Variants in FRMPD1 observed in about 807,000 individuals in gnomAD.
FRMPD1 encodes the protein FERM and PDZ domain-containing protein 1.
A neutral mutation model predicts 117.8 loss-of-function variants in FRMPD1; 76 were observed. That is an observed-to-expected ratio of 0.65 (90% CI 0.54 to 0.78). The LOEUF is 0.78. FRMPD1 is among the 30% of genes least tolerant of loss of function. FRMPD1 has a pLI of 0.00. For synonymous variants in FRMPD1, 783 were observed against 770.4 expected (o/e 1.02, Z -0.27); for missense variants, 1,786 against 1,964.5 (o/e 0.91, Z 1.72).
chr9:37,693,187 A>AGGTCAGG, intron 2 of FRMPD1: 1 of 158,088 alleles, frequency 6.3e-6, no homozygotes, highest in Non-Finnish European at 1.4e-5. Context: ...TCTGCCGTTT[A>AGGTCAGG]TATTCTTTCT....
intron 13 of FRMPD1, 63 bp downstream of exon 13, chr9:37,735,797 G>A: frequency 8.9e-7 from 1 of 1,125,958 alleles, no homozygotes; most frequent in South Asian, 1.4e-5. Flanking sequence ...TAGGGGCCAG[G>A]CTAGTTTATA....
intron 5 of FRMPD1, among the ~76,000 whole-genome samples, chr9:37,715,326 C>T (rs1314447660): frequency 2.0e-5 from 3 of 152,174 alleles, no homozygotes; most frequent in African/African-American, 7.2e-5. Flanking sequence ...GTCTCACATG[C>T]AGAAATCAGT....
At chr9:37,707,706 T>C (rs976908190) in intron 3 of FRMPD1, 133 bp downstream of exon 3, 51 of 754,472 alleles carry the variant, frequency 6.8e-5, no homozygotes, top group Non-Finnish European at 9.6e-5. Flanking sequence ...GCACACCTAA[T>C]TCTGTCTTGG....
At chr9:37,731,246 G>A (rs992999063) in intron 9 of FRMPD1, 143 bp downstream of exon 9, 11 of 721,726 alleles carry the variant, frequency 1.5e-5, no homozygotes, top group Non-Finnish European at 2.1e-5. Flanking sequence ...CCTGATCATC[G>A]CTCAGAATTC....
intron 1 of FRMPD1, among the ~76,000 whole-genome samples, chr9:37,660,722 T>G (rs543417246): frequency 9.2e-5 from 14 of 152,324 alleles, no homozygotes; most frequent in South Asian, 2.1e-4. Context: ...TCCTGCACTT[T>G]CATTTCTGCA....
chr9:37,656,289 A>G (rs373508596), intron 1 of FRMPD1, among the ~76,000 whole-genome samples: 1 of 152,224 alleles, frequency 6.6e-6, no homozygotes, highest in African/African-American at 2.4e-5. Flanking sequence ...CACTCGTGGC[A>G]TTCTGATCCC....
chr9:37,685,072 A>T (rs1821873589), intron 1 of FRMPD1, among the ~76,000 whole-genome samples: 1 of 152,158 alleles, frequency 6.6e-6, no homozygotes, highest in South Asian at 2.1e-4. Context: ...TTTCAAGAAC[A>T]GTGTCTCAAG....
chr9:37,630,267 A>G, the FRMPD1 span, among the ~76,000 whole-genome samples: 1 of 152,202 alleles, frequency 6.6e-6, no homozygotes, highest in Non-Finnish European at 1.5e-5. Context: ...ATGTCTTACA[A>G]TTGATAGTGC....
intron 2 of FRMPD1, among the ~76,000 whole-genome samples, chr9:37,694,051 T>C (rs1822239940): frequency 6.6e-6 from 1 of 152,224 alleles, no homozygotes; most frequent in Non-Finnish European, 1.5e-5. Flanking sequence ...CAGGAAAGTA[T>C]TGGCTTCATC....
At chr9:37,678,420 C>G (rs1258831331) in intron 1 of FRMPD1, among the ~76,000 whole-genome samples, 1 of 152,022 alleles carries the variant, frequency 6.6e-6, no homozygotes, top group Non-Finnish European at 1.5e-5. Context: ...GCCATCACGT[C>G]TGGCTAATTT....
At chr9:37,635,040 TC>T in the FRMPD1 span, among the ~76,000 whole-genome samples, 1 of 152,334 alleles carries the variant, frequency 6.6e-6, no homozygotes, top group African/African-American at 2.4e-5. Context: ...GGAAAACAAT[TC>T]CCTCAGAATT....
upstream of FRMPD1, among the ~76,000 whole-genome samples, chr9:37,650,126 G>A (rs991135742): frequency 6.6e-6 from 1 of 152,180 alleles, no homozygotes; most frequent in African/African-American, 2.4e-5. Flanking sequence ...CTTTATTAAA[G>A]GTGTATTGTA....
intron 1 of FRMPD1, among the ~76,000 whole-genome samples, chr9:37,675,504 G>T (rs1380290275): frequency 1.3e-5 from 2 of 152,084 alleles, no homozygotes; most frequent in Non-Finnish European, 2.9e-5. Context: ...TTGAGAGATT[G>T]TTAAGGAGGT....
rs575653961 is a variant in FRMPD1, at chr9:37,704,215, G to A, written c.102-3201G>A. ...ACTTTTCTGAAATCTAAGTATTTCT[G>A]ATAGAAATTTAGAGTTCAAATTGAT... On this transcript the variant is annotated intron_variant, in intron 2 of 15. Coordinates refer to ENST00000377765, the MANE Select transcript of FRMPD1 (RefSeq NM_014907.3). Among the ~76,000 whole-genome samples the A allele has an allele frequency of 3.4e-4, 52 of 152,280 alleles. 2 individuals carry two copies. The highest frequency in any genetic ancestry group is 3.1e-3 in the Admixed American group (47 of 15,296).
At chr9:37,679,300 C>A (rs1381378372) in intron 1 of FRMPD1, among the ~76,000 whole-genome samples, 3 of 152,220 alleles carry the variant, frequency 2.0e-5, no homozygotes, top group Non-Finnish European at 4.4e-5. Context: ...GCTTTGAGGT[C>A]ATGTTTCTAA....
At chr9:37,657,802 C>A (rs919979475) in intron 1 of FRMPD1, among the ~76,000 whole-genome samples, 13 of 152,102 alleles carry the variant, frequency 8.5e-5, no homozygotes, top group Admixed American at 8.5e-4. Context: ...TCAAACAAGA[C>A]TGCCAGCTCC....
chr9:37,660,580 A>T (rs1402126529), intron 1 of FRMPD1, among the ~76,000 whole-genome samples: 2 of 152,202 alleles, frequency 1.3e-5, no homozygotes, highest in African/African-American at 4.8e-5. Context: ...AAGTAGGTTT[A>T]AACAATGGGT....
intron 1 of FRMPD1, among the ~76,000 whole-genome samples, chr9:37,665,280 A>G (rs1821127389): frequency 6.6e-6 from 1 of 152,216 alleles, no homozygotes; most frequent in South Asian, 2.1e-4. Flanking sequence ...TCTTCTCTCC[A>G]AAAAAGAAAA....
chr9:37,732,762 G>A (rs879943575), intron 10 of FRMPD1, among the ~76,000 whole-genome samples: 10 of 152,212 alleles, frequency 6.6e-5, no homozygotes, highest in Non-Finnish European at 1.0e-4. Context: ...TGCCTTGGAA[G>A]TTAATTTTTC....
Sources: gnomAD v4.1 joint callset for allele counts (sites outside exome capture counted in the v4.1 genomes callset) on GRCh38, gnomAD v4.1.1 for gene constraint, MANE v1.5 for transcripts, NCBI Gene and HGNC (gene_info 2026-07-23, HGNC 2026-07-21) for gene names.